Variants in MAN1A2 observed in about 807,000 individuals in gnomAD.
MAN1A2 encodes mannosyl-oligosaccharide 1,2-alpha-mannosidase IB.
Under a neutral mutation model 75.7 loss-of-function variants are expected in MAN1A2, and 26 were observed. That is an observed-to-expected ratio of 0.34 (90% CI 0.25 to 0.48). MAN1A2 has a LOEUF of 0.48. Ranked by LOEUF, MAN1A2 falls within the 20% of genes least tolerant of loss-of-function variation. MAN1A2 has a pLI of 0.99. For missense variants in MAN1A2, 562 were observed against 775.5 expected (o/e 0.72, Z 3.27); for synonymous variants, 247 against 264.6 (o/e 0.93, Z 0.65).
chr1:117,422,687 T>G (rs1255938157), intron 5 of MAN1A2, among the ~76,000 whole-genome samples: 1 of 152,152 alleles, frequency 6.6e-6, no homozygotes, highest in African/African-American at 2.4e-5. Flanking sequence ...ATGTTGAGCA[T>G]CTTTTCCTAT....
chr1:117,503,108 T>G (rs1651252018), intron 12 of MAN1A2, 138 bp downstream of exon 12: 3 of 519,330 alleles, frequency 5.8e-6, no homozygotes, highest in African/African-American at 4.0e-5. Flanking sequence ...GGTGTGTAAA[T>G]TTTTAGCTAC....
chr1:117,398,659 G>C (rs547002559), intron 1 of MAN1A2, among the ~76,000 whole-genome samples: 1 of 150,174 alleles, frequency 6.7e-6, no homozygotes, highest in Admixed American at 6.7e-5. Context: ...GGGTGACAGA[G>C]GGAGACTCTA....
intron 1 of MAN1A2, among the ~76,000 whole-genome samples, chr1:117,378,671 G>A (rs545643751): frequency 5.9e-5 from 9 of 152,166 alleles, no homozygotes; most frequent in Admixed American, 2.0e-4. Context: ...CCCTGAAGTG[G>A]TTATTATACC....
chr1:117,499,648 G>A, intron 11 of MAN1A2, 94 bp downstream of exon 11: 1 of 937,870 alleles, frequency 1.1e-6, no homozygotes, highest in Admixed American at 3.5e-5. Flanking sequence ...CTCATTTTTA[G>A]TATCTGTAGG....
intron 5 of MAN1A2, among the ~76,000 whole-genome samples, chr1:117,421,344 C>T (rs1480680861): frequency 1.3e-5 from 2 of 151,504 alleles, no homozygotes; most frequent in Admixed American, 1.3e-4. Flanking sequence ...GAAAATTTAC[C>T]TTTTGTTATA....
rs1479670661 is a variant in MAN1A2, at chr1:117,528,230, A to C, written c.*5273A>C. On this transcript the variant is annotated 3_prime_UTR_variant, in exon 13 of 13. Transcript: ENST00000356554. ...ACTAGCATATACATTGCAGTGCTCC[A>C]ATCATGCTAACAGATAATAGATTTT... 6.6e-6 allele frequency: 1 copy of C among 152,064 alleles called. No homozygotes were observed. Among genetic ancestry groups the C allele is most frequent in the Non-Finnish European group, 1.5e-5 (1 of 67,972 alleles). 9.4% of individuals were successfully genotyped at this position (152,064 alleles called of 1,614,324 possible).
chr1:117,409,452 T>C (rs2101764082), intron 3 of MAN1A2, among the ~76,000 whole-genome samples: 1 of 112,728 alleles, frequency 8.9e-6, no homozygotes, highest in African/African-American at 3.8e-5. Flanking sequence ...TTTCATTCTT[T>C]TAAATTATTT....
At chr1:117,399,278 C>T (rs867117891) in intron 1 of MAN1A2, among the ~76,000 whole-genome samples, 27 of 152,294 alleles carry the variant, frequency 1.8e-4, no homozygotes, top group Middle Eastern at 3.4e-3. Flanking sequence ...TGAGTGATAA[C>T]ATATGAGCTA....
chr1:117,403,117 A>G (rs1322855974), intron 2 of MAN1A2, among the ~76,000 whole-genome samples: 1 of 152,226 alleles, frequency 6.6e-6, no homozygotes, highest in African/African-American at 2.4e-5. Flanking sequence ...GTTTGTGATT[A>G]TACTGCCTGT....
intron 4 of MAN1A2, among the ~76,000 whole-genome samples, chr1:117,417,454 ACAT>A (rs1648031036): frequency 6.8e-6 from 1 of 147,238 alleles, no homozygotes; most frequent in Non-Finnish European, 1.5e-5. Context: ...GGATTAAATT[ACAT>A]CATCTCTCTT....
chr1:117,483,743 T>C (rs1417011471), intron 8 of MAN1A2, among the ~76,000 whole-genome samples: 4 of 152,090 alleles, frequency 2.6e-5, no homozygotes, highest in Admixed American at 2.0e-4. Flanking sequence ...TCTTGCCTGA[T>C]TGCCCTGGCC....
At chr1:117,432,234 T>C (rs1004450237) in intron 5 of MAN1A2, among the ~76,000 whole-genome samples, 1 of 152,180 alleles carries the variant, frequency 6.6e-6, no homozygotes, top group African/African-American at 2.4e-5. Flanking sequence ...AGGCTATCAT[T>C]GCAGATTCCA....
chr1:117,465,190 GCT>G (rs1649944469), intron 7 of MAN1A2, among the ~76,000 whole-genome samples: 1 of 152,058 alleles, frequency 6.6e-6, no homozygotes, highest in Admixed American at 6.6e-5. Flanking sequence ...AATATAAGGA[GCT>G]TAGAAGACAA....
chr1:117,493,061 T>C, intron 8 of MAN1A2, 86 bp from the exon 9 acceptor site: 1 of 729,708 alleles, frequency 1.4e-6, no homozygotes, highest in Non-Finnish European at 2.4e-6. Context: ...ACCTCTAACA[T>C]AGTCATTATA....
intron 8 of MAN1A2, among the ~76,000 whole-genome samples, chr1:117,489,026 C>T (rs184165853): frequency 3.3e-4 from 50 of 152,114 alleles, no homozygotes; most frequent in African/African-American, 1.2e-3. Flanking sequence ...CTGAAATTTG[C>T]TCCTTCTGCC....
chr1:117,405,778 T>G, intron 3 of MAN1A2, 133 bp downstream of exon 3: 2 of 683,274 alleles, frequency 2.9e-6, no homozygotes, highest in Admixed American at 2.7e-5. Flanking sequence ...AGGTATGATT[T>G]TTTGCAAGTG....
At chr1:117,472,949 G>GTCC (rs1308713331) in intron 8 of MAN1A2, among the ~76,000 whole-genome samples, 1 of 151,924 alleles carries the variant, frequency 6.6e-6, no homozygotes, top group Non-Finnish European at 1.5e-5. Context: ...GTAGAGGTCA[G>GTCC]TCCTCCATTC....
rs115782790 is a variant in MAN1A2, at chr1:117,443,663, G to A, written c.950+1338G>A. Reference sequence around the variant, plus strand: ...TAAAAAGGTTTCCAAGGACCATGTTGTGAGCTTTTTATAAGATTAATTTTA... The same window carrying A: ...TAAAAAGGTTTCCAAGGACCATGTTATGAGCTTTTTATAAGATTAATTTTA... On this transcript the variant is annotated intron_variant, in intron 6 of 12. Transcript: ENST00000356554. Among the ~76,000 whole-genome samples the A allele has an allele frequency of 7.3e-3, 1,118 of 152,204 alleles. 18 individuals carry two copies. Among genetic ancestry groups the A allele is most frequent in the African/African-American group, 0.026 (1,070 of 41,540 alleles).
At chr1:117,445,287 A>G (rs560485134) in intron 6 of MAN1A2, among the ~76,000 whole-genome samples, 37 of 152,062 alleles carry the variant, frequency 2.4e-4, no homozygotes, top group East Asian at 1.5e-3. Context: ...TATATGATGG[A>G]TATTGGTAGG....
Sources: gnomAD v4.1 joint callset for allele counts (sites outside exome capture counted in the v4.1 genomes callset) on GRCh38, gnomAD v4.1.1 for gene constraint, MANE v1.5 for transcripts, NCBI Gene and HGNC (gene_info 2026-07-23, HGNC 2026-07-21) for gene names.